ST6GALNAC3: variants seen among roughly 807,000 people sequenced by gnomAD.
The protein encoded by ST6GALNAC3 is ST6 N-acetylgalactosaminide alpha-2,6-sialyltransferase 3, also known as alpha-N-acetylgalactosaminide alpha-2,6-sialyltransferase 3.
ST6GALNAC3 carries 25 observed loss-of-function variants against 32.7 expected under a neutral mutation model. The ratio of observed to expected loss-of-function variants is 0.76; its 90% CI spans 0.56 to 1.07. The LOEUF (loss-of-function observed/expected upper bound fraction) is 1.07. ST6GALNAC3 is among the 50% of genes least tolerant of loss of function. ST6GALNAC3 has a pLI of 0.00. For missense variants in ST6GALNAC3, 355 were observed against 382.4 expected (o/e 0.93, Z 0.60); for synonymous variants, 129 against 133.1 (o/e 0.97, Z 0.21).
chr1:76,311,829 G>C (rs1464413942), intron 1 of ST6GALNAC3, among the ~76,000 whole-genome samples: 2 of 152,044 alleles, frequency 1.3e-5, no homozygotes, highest in African/African-American at 2.4e-5. Flanking sequence ...TGGTATTTCT[G>C]GTTCTAGATT....
intron 3 of ST6GALNAC3, among the ~76,000 whole-genome samples, chr1:76,581,001 G>A (rs368662081): frequency 4.8e-4 from 73 of 152,236 alleles, no homozygotes; most frequent in African/African-American, 1.8e-3. Context: ...TGGATCTGGA[G>A]AGGGTGGAGG....
At chr1:76,332,337 T>C (rs1647203610) in intron 2 of ST6GALNAC3, among the ~76,000 whole-genome samples, 1 of 152,194 alleles carries the variant, frequency 6.6e-6, no homozygotes, top group Non-Finnish European at 1.5e-5. Flanking sequence ...CTTTTTCCAG[T>C]CATCTCATTT....
At chr1:76,369,539 C>T (rs1194444464) in intron 2 of ST6GALNAC3, among the ~76,000 whole-genome samples, 1 of 152,156 alleles carries the variant, frequency 6.6e-6, no homozygotes, top group East Asian at 1.9e-4. Context: ...TAAAGTCACA[C>T]AGCTAGTAAT....
At chr1:76,433,546 A>G (rs1655919871) in intron 3 of ST6GALNAC3, among the ~76,000 whole-genome samples, 2 of 152,206 alleles carry the variant, frequency 1.3e-5, no homozygotes, top group African/African-American at 4.8e-5. Context: ...AAGGAAAAAA[A>G]TCTTAATGAG....
chr1:76,292,362 A>G (rs920445032), intron 1 of ST6GALNAC3, among the ~76,000 whole-genome samples: 2 of 152,190 alleles, frequency 1.3e-5, no homozygotes, highest in Admixed American at 1.3e-4. Flanking sequence ...TTTGTAGAAA[A>G]CCAGTGGGCT....
intron 3 of ST6GALNAC3, among the ~76,000 whole-genome samples, chr1:76,475,043 A>C (rs1213653789): frequency 6.6e-6 from 1 of 152,162 alleles, no homozygotes; most frequent in Non-Finnish European, 1.5e-5. Flanking sequence ...TAGAACCTTC[A>C]AAATGGTGCT....
intron 3 of ST6GALNAC3, among the ~76,000 whole-genome samples, chr1:76,465,865 T>C (rs1658591154): frequency 6.6e-6 from 1 of 152,046 alleles, no homozygotes. Flanking sequence ...ACGTTCTGGG[T>C]CTATGGTCTT....
chr1:76,225,388 G>A (rs1350241664), intron 1 of ST6GALNAC3, among the ~76,000 whole-genome samples: 2 of 152,118 alleles, frequency 1.3e-5, no homozygotes, highest in Non-Finnish European at 2.9e-5. Context: ...AGTGATGTGT[G>A]TATTTGTCTG....
intron 1 of ST6GALNAC3, among the ~76,000 whole-genome samples, chr1:76,118,435 A>T (rs1648633184): frequency 6.6e-6 from 1 of 152,234 alleles, no homozygotes; most frequent in Admixed American, 6.5e-5. Context: ...TTTGGGCAGC[A>T]GGTTAAGAAT....
intron 3 of ST6GALNAC3, among the ~76,000 whole-genome samples, chr1:76,494,395 C>A: frequency 7.3e-6 from 1 of 137,558 alleles, no homozygotes; most frequent in African/African-American, 2.7e-5. Context: ...TTAGAGTTCT[C>A]CAGGGGAATA....
intron 1 of ST6GALNAC3, among the ~76,000 whole-genome samples, chr1:76,239,030 G>T (rs1242090308): frequency 6.6e-6 from 1 of 151,464 alleles, no homozygotes; most frequent in Non-Finnish European, 1.5e-5. Context: ...GGGCTGCTGG[G>T]CTCCATTGGC....
intron 2 of ST6GALNAC3, among the ~76,000 whole-genome samples, chr1:76,319,665 T>A (rs2100917064): frequency 6.6e-6 from 1 of 152,294 alleles, no homozygotes; most frequent in South Asian, 2.1e-4. Context: ...TCCCAAAAGT[T>A]TAAAACTGAT....
chr1:76,328,167 T>C (rs184823427), intron 2 of ST6GALNAC3, among the ~76,000 whole-genome samples: 1 of 152,156 alleles, frequency 6.6e-6, no homozygotes, highest in Admixed American at 6.5e-5. Context: ...ATATAATCAA[T>C]TACACAGAAA....
At chr1:76,259,993 CTTCTTT>C (rs1019852879) in intron 1 of ST6GALNAC3, among the ~76,000 whole-genome samples, 14 of 152,110 alleles carry the variant, frequency 9.2e-5, no homozygotes, top group Non-Finnish European at 1.6e-4. Context: ...CTTTCTTCTT[CTTCTTT>C]TTCTTTTTCT....
intron 3 of ST6GALNAC3, among the ~76,000 whole-genome samples, chr1:76,495,038 T>A (rs1660768033): frequency 6.6e-6 from 1 of 152,100 alleles, no homozygotes; most frequent in Non-Finnish European, 1.5e-5. Context: ...TCTATTCAGA[T>A]CTTCAGCAGA....
intron 1 of ST6GALNAC3, 135 bp from the exon 2 acceptor site, chr1:76,313,670 C>A (rs1570787505): frequency 1.0e-6 from 1 of 978,456 alleles, no homozygotes; most frequent in Non-Finnish European, 1.6e-6. Context: ...TTTCCATTTC[C>A]AGGTAAAATA....
intron 2 of ST6GALNAC3, among the ~76,000 whole-genome samples, chr1:76,391,550 T>A (rs539501430): frequency 1.3e-4 from 20 of 150,396 alleles, no homozygotes; most frequent in Non-Finnish European, 2.7e-4. Flanking sequence ...CTTCCTTCCT[T>A]CCTTCCTTCC....
At chr1:76,252,561 T>A (rs569959715) in intron 1 of ST6GALNAC3, among the ~76,000 whole-genome samples, 7 of 152,160 alleles carry the variant, frequency 4.6e-5, no homozygotes, top group East Asian at 1.9e-4. Flanking sequence ...CTTTTTTTTT[T>A]AAATTTCTTG....
chr1:76,149,257 A>C (rs1420525846), intron 1 of ST6GALNAC3, among the ~76,000 whole-genome samples: 4 of 152,210 alleles, frequency 2.6e-5, no homozygotes, highest in Admixed American at 2.6e-4. Context: ...TTCCTTAACA[A>C]GCCATTCAAC....
Sources: gnomAD v4.1 joint callset for allele counts (sites outside exome capture counted in the v4.1 genomes callset) on GRCh38, gnomAD v4.1.1 for gene constraint, MANE v1.5 for transcripts, NCBI Gene and HGNC (gene_info 2026-07-23, HGNC 2026-07-21) for gene names.